The following APAF1 variants were observed in gnomAD, a reference collection of about 807,000 sequenced individuals.
APAF1 encodes the protein apoptotic protease-activating factor 1.
Under a neutral mutation model 152.4 loss-of-function variants are expected in APAF1, and 91 were observed. The observed-to-expected ratio is 0.60, with a 90% CI of 0.50 to 0.71. The LOEUF is 0.71. APAF1 is among the 30% of genes least tolerant of loss of function. The pLI is 0.00. For synonymous variants in APAF1, 484 were observed against 494.1 expected, an observed-to-expected ratio of 0.98 and a Z score of 0.27; for missense variants, 1,283 against 1,472.0, an observed-to-expected ratio of 0.87 and a Z score of 2.10.
Position 98,725,398 on chromosome 12 carries a change from T to C in APAF1, c.3331-17T>C. On this transcript the variant is annotated splice_polypyrimidine_tract_variant and intron_variant, in intron 24 of 26. Coordinates refer to ENST00000551964, the MANE Select transcript of APAF1 (RefSeq NM_181861.2). The stretch of plus-strand genomic sequence containing the variant: ...GAGTGTTTATAGCATTGCTAAACAA[T>C]CCTAATTGCCTTCCAGATCTGGAGT... 6.2e-7 allele frequency: 1 copy of C among 1,614,010 alleles called. No homozygotes were observed. The highest frequency in any genetic ancestry group is 8.5e-7 in the Non-Finnish European group (1 of 1,179,994).
At chr12:98,693,549 GT>G (rs1191990303) in intron 16 of APAF1, among the ~76,000 whole-genome samples, 1 of 151,950 alleles carries the variant, frequency 6.6e-6, no homozygotes. Context: ...CATTTGTTTA[GT>G]TTTTATATGT....
At chr12:98,716,107 G>A (rs1044223013) in intron 22 of APAF1, among the ~76,000 whole-genome samples, 1 of 152,138 alleles carries the variant, frequency 6.6e-6, no homozygotes, top group African/African-American at 2.4e-5. Flanking sequence ...ATGAAAAACA[G>A]ACCCTTTCCC....
chr12:98,653,907 A>G (rs1243956311), intron 4 of APAF1, among the ~76,000 whole-genome samples: 1 of 151,442 alleles, frequency 6.6e-6, no homozygotes, highest in African/African-American at 2.4e-5. Flanking sequence ...CTTTCTTCAT[A>G]GGCTGTGTTC....
intron 13 of APAF1, among the ~76,000 whole-genome samples, chr12:98,679,300 G>A (rs1199722609): frequency 6.6e-6 from 1 of 152,144 alleles, no homozygotes; most frequent in Non-Finnish European, 1.5e-5. Context: ...GCAGAGAGGA[G>A]CTACCCTCTC....
At chr12:98,721,488 T>C (rs1475590900) in intron 22 of APAF1, among the ~76,000 whole-genome samples, 1 of 152,168 alleles carries the variant, frequency 6.6e-6, no homozygotes, top group Non-Finnish European at 1.5e-5. Flanking sequence ...CTAGTAGAAA[T>C]GGAATAAGGT....
intron 26 of APAF1, among the ~76,000 whole-genome samples, chr12:98,728,557 TA>T (rs34313440): frequency 0.38 from 57,202 of 151,720 alleles, 11,243 homozygotes; most frequent in African/African-American, 0.5. Flanking sequence ...CCATCTCTGC[TA>T]AAAAATACAA....
chr12:98,715,686 A>G (rs2097733991), intron 22 of APAF1, 134 bp downstream of exon 22: 1 of 1,001,388 alleles, frequency 1.0e-6, no homozygotes, highest in Admixed American at 1.8e-5. Flanking sequence ...ACATGGGCTT[A>G]GATGAAACCT....
intron 17 of APAF1, among the ~76,000 whole-genome samples, chr12:98,702,928 G>A (rs1473728171): frequency 6.6e-6 from 1 of 151,808 alleles, no homozygotes; most frequent in Non-Finnish European, 1.5e-5. Context: ...TGACTATAAT[G>A]GAGCAATTTG....
At chr12:98,699,813 A>C (rs1340370697) in intron 17 of APAF1, among the ~76,000 whole-genome samples, 2 of 152,222 alleles carry the variant, frequency 1.3e-5, no homozygotes. Flanking sequence ...CCTATTAGGC[A>C]CACTGTATGA....
intron 16 of APAF1, among the ~76,000 whole-genome samples, chr12:98,692,326 G>A (rs1187206015): frequency 2.6e-5 from 4 of 152,128 alleles, no homozygotes; most frequent in Admixed American, 2.0e-4. Context: ...CTCGTGATCC[G>A]CCTGCCTCGG....
Position 98,677,535 on chromosome 12 carries a change from C to T in APAF1, c.1904C>T (p.Ala635Val). ...EDGQRIASCG[A>V]DKTLQVFKAE... is the part of the protein sequence containing the mutation. The stretch of plus-strand genomic sequence containing the variant: ...GGTCAGAGAATAGCTTCTTGTGGAG[C>T]TGATAAAACCTTACAGGTAAAACAC... The change falls in exon 13 of 27, where the codon GCT (alanine) becomes GTT (valine). Residue 635 changes from alanine to valine, a missense_variant. Coordinates refer to ENST00000551964, the MANE Select transcript of APAF1 (RefSeq NM_181861.2). The T allele has an allele frequency of 1.9e-6, 3 of 1,614,096 alleles. No individual in the cohort carries two copies. The highest frequency in any genetic ancestry group is 2.5e-6 in the Non-Finnish European group (3 of 1,180,020).
chr12:98,732,475 A>C lies in APAF1; in HGVS notation c.3656A>C (p.Asn1219Thr). The C allele has an allele frequency of 6.2e-7, 1 of 1,609,440 alleles. No individual in the cohort carries two copies. The highest frequency in any genetic ancestry group is 8.5e-7 in the Non-Finnish European group (1 of 1,175,750). Residue 1219 changes from asparagine to threonine, a missense_variant, in exon 27 of 27, where the codon AAT (asparagine) becomes ACT (threonine). Coordinates refer to ENST00000551964, the MANE Select transcript of APAF1 (RefSeq NM_181861.2). ...CAGACCTTCTACACAAATGGAACCAATCTTAAGAAAATACACGTGTCCCCT... is the reference window on the plus strand; with the variant it reads ...CAGACCTTCTACACAAATGGAACCACTCTTAAGAAAATACACGTGTCCCCT... ...SSQTFYTNGT[N>T]LKKIHVSPDF...
At chr12:98,728,455 C>T (rs181083795) in intron 26 of APAF1, among the ~76,000 whole-genome samples, 2 of 152,290 alleles carry the variant, frequency 1.3e-5, no homozygotes, top group East Asian at 1.9e-4. Flanking sequence ...TGTGGTGACT[C>T]ACACCTGTAA....
At position 98,734,977 on chromosome 12, in the gene APAF1, G is replaced by A; in HGVS notation, c.*2411G>A. 1 of 384,334 alleles carries A rather than the reference G, an allele frequency of 2.6e-6. No individual in the cohort carries two copies. The allele number at this position is 384,334 out of a possible 1,614,324, so 23.8% of individuals were successfully genotyped here. On this transcript the variant is annotated 3_prime_UTR_variant, in exon 27 of 27. Transcript: ENST00000551964. ...AAAAAGAAATTAGGAGCCAGGTGCGGTGGCACGTGCCTGTAATCCCAGCTC... is the reference window on the plus strand; with the variant it reads ...AAAAAGAAATTAGGAGCCAGGTGCGATGGCACGTGCCTGTAATCCCAGCTC...
chr12:98,711,555 A>G (rs2097727946), intron 20 of APAF1, among the ~76,000 whole-genome samples: 1 of 152,224 alleles, frequency 6.6e-6, no homozygotes, highest in South Asian at 2.1e-4. Flanking sequence ...TAATCTTTGT[A>G]CTAGAAACAA....
At chr12:98,677,712 A>T (rs2097688063) in intron 13 of APAF1, among the ~76,000 whole-genome samples, 161 bp downstream of exon 13, 1 of 152,228 alleles carries the variant, frequency 6.6e-6, no homozygotes, top group Non-Finnish European at 1.5e-5. Context: ...TAGAGATTTA[A>T]AAGATACAGT....
At chr12:98,678,027 A>T (rs1021073675) in intron 13 of APAF1, among the ~76,000 whole-genome samples, 1 of 151,606 alleles carries the variant, frequency 6.6e-6, no homozygotes, top group African/African-American at 2.4e-5. Flanking sequence ...ATTAATGAGT[A>T]CTTTTCTTTA....
At chr12:98,658,660 G>C (rs1435648712) in intron 4 of APAF1, among the ~76,000 whole-genome samples, 1 of 152,174 alleles carries the variant, frequency 6.6e-6, no homozygotes, top group African/African-American at 2.4e-5. Context: ...TTCTCAACGA[G>C]GGGTGATTTC....
chr12:98,651,668 T>A (rs1284325654), intron 4 of APAF1, among the ~76,000 whole-genome samples: 1 of 152,054 alleles, frequency 6.6e-6, no homozygotes, highest in Non-Finnish European at 1.5e-5. Context: ...TTATTTTTGT[T>A]TTTTTTTAAA....
Sources: gnomAD v4.1 joint callset for allele counts (sites outside exome capture counted in the v4.1 genomes callset) on GRCh38, gnomAD v4.1.1 for gene constraint, MANE v1.5 for transcripts, NCBI Gene and HGNC (gene_info 2026-07-23, HGNC 2026-07-21) for gene names.